Variants in KIAA1217 observed in about 807,000 individuals in gnomAD.
KIAA1217 encodes sickle tail protein homolog.
Under a neutral mutation model 163.9 loss-of-function variants are expected in KIAA1217, and 88 were observed. The ratio of observed to expected loss-of-function variants is 0.54; its 90% CI spans 0.45 to 0.64. The LOEUF is 0.64. KIAA1217 is among the 30% of genes least tolerant of loss of function. The pLI is 0.00. For synonymous variants in KIAA1217, 903 were observed against 923.1 expected, an observed-to-expected ratio of 0.98 and a Z score of 0.39; for missense variants, 2,372 against 2,475.0, an observed-to-expected ratio of 0.96 and a Z score of 0.88.
intron 2 of KIAA1217, among the ~76,000 whole-genome samples, chr10:24,334,428 G>A (rs1310717520): frequency 2.3e-5 from 3 of 133,224 alleles, no homozygotes; most frequent in African/African-American, 8.3e-5. Context: ...GTGGAGGAGG[G>A]AGGGAAGGAT....
chr10:24,238,657 G>A (rs1174043106), intron 2 of KIAA1217, among the ~76,000 whole-genome samples: 1 of 152,126 alleles, frequency 6.6e-6, no homozygotes, highest in African/African-American at 2.4e-5. Flanking sequence ...TGTTTTGCAA[G>A]TTTTGCTGGT....
intron 2 of KIAA1217, among the ~76,000 whole-genome samples, chr10:24,364,997 G>A (rs1439972726): frequency 6.6e-6 from 1 of 151,892 alleles, no homozygotes; most frequent in Non-Finnish European, 1.5e-5. Context: ...GGTAATGGGA[G>A]TCTCCCTATG....
chr10:24,466,813 G>A (rs1017453752), intron 5 of KIAA1217: 3 of 983,652 alleles, frequency 3.0e-6, no homozygotes, highest in Admixed American at 6.1e-5. Context: ...AATTCTTTGA[G>A]GGTGAAAGAG....
chr10:24,521,888 G>A lies in KIAA1217; in HGVS notation c.2415G>A (p.Lys805=). 6.2e-7 allele frequency: 1 copy of A among 1,613,566 alleles called. No homozygotes were observed. The highest frequency in any genetic ancestry group is 8.5e-7 in the Non-Finnish European group (1 of 1,180,020). The change falls in exon 12 of 21, where the codon AAG becomes AAA. Residue 805 remains lysine, a synonymous_variant. Coordinates refer to ENST00000376454, the MANE Select transcript of KIAA1217 (RefSeq NM_019590.5). The stretch of plus-strand genomic sequence containing the variant: ...CACACAAGCTGGACAGTCTCCTGAA[G>A]CGTGTGCGCAGCATGACAGACGTCC... ...EEPHKLDSLL[K]RVRSMTDVLT... is the part of the protein sequence containing the mutation.
chr10:24,380,653 TAC>T (rs2053179939), intron 2 of KIAA1217, among the ~76,000 whole-genome samples: 1 of 143,342 alleles, frequency 7.0e-6, no homozygotes, highest in Non-Finnish European at 1.5e-5. Context: ...AATAAATAAA[TAC>T]AATGGAACAC....
chr10:23,952,659 C>T (rs570998372), intron 1 of KIAA1217, among the ~76,000 whole-genome samples: 3 of 152,206 alleles, frequency 2.0e-5, no homozygotes, highest in Non-Finnish European at 1.5e-5. Context: ...TCGTGAGCCT[C>T]AGCGTCCTAA....
chr10:24,135,396 G>A (rs961253845), intron 2 of KIAA1217, among the ~76,000 whole-genome samples: 2 of 152,026 alleles, frequency 1.3e-5, no homozygotes, highest in African/African-American at 4.8e-5. Context: ...CCCACCCTCT[G>A]CCAGTTCCGT....
At chr10:24,314,618 G>A (rs1198914827) in intron 2 of KIAA1217, among the ~76,000 whole-genome samples, 3 of 152,310 alleles carry the variant, frequency 2.0e-5, no homozygotes, top group East Asian at 3.9e-4. Flanking sequence ...AGGTTCAGAT[G>A]TGAAATCTAA....
chr10:24,320,234 A>G (rs1334623944), intron 2 of KIAA1217, among the ~76,000 whole-genome samples: 1 of 152,262 alleles, frequency 6.6e-6, no homozygotes, highest in East Asian at 1.9e-4. Flanking sequence ...CAAATTTCTA[A>G]TTACACTTCA....
At chr10:24,498,921 G>A (rs2067160039) in intron 8 of KIAA1217, among the ~76,000 whole-genome samples, 1 of 152,204 alleles carries the variant, frequency 6.6e-6, no homozygotes, top group African/African-American at 2.4e-5. Context: ...ATAAAAGATC[G>A]AGGGGAGGGA....
intron 1 of KIAA1217, among the ~76,000 whole-genome samples, chr10:23,957,161 C>T (rs1003465899): frequency 6.6e-6 from 1 of 152,126 alleles, no homozygotes; most frequent in Non-Finnish European, 1.5e-5. Flanking sequence ...CTAAGCAGAA[C>T]AACGGAATCC....
chr10:24,140,309 G>A (rs1031261677), intron 2 of KIAA1217, among the ~76,000 whole-genome samples: 20 of 147,172 alleles, frequency 1.4e-4, no homozygotes, highest in Non-Finnish European at 2.7e-4. Context: ...GCAGTGAGCC[G>A]AAATCGTGCC....
rs150874554 is a variant in KIAA1217 at position 24,239,673 on chromosome 10, A to ATG, written c.354+19786_354+19787dup. Among the ~76,000 whole-genome samples, 482 of 147,626 alleles carry ATG rather than the reference A, an allele frequency of 3.3e-3. 3 individuals carry two copies. Among genetic ancestry groups the ATG allele is most frequent in the African/African-American group, 6.9e-3 (275 of 39,994 alleles). On this transcript the variant is annotated intron_variant, in intron 2 of 20. Transcript: ENST00000376454. ...CCATGTATTTCTTATTTATTCCCAG[A>ATG]TGTGTGTGTGTGTGTGTGTGTGTTT...
At chr10:23,943,506 G>A (rs1022381503) in intron 1 of KIAA1217, among the ~76,000 whole-genome samples, 4 of 152,180 alleles carry the variant, frequency 2.6e-5, no homozygotes, top group African/African-American at 9.7e-5. Flanking sequence ...CCATGCCCCT[G>A]GATTAGAAAG....
In KIAA1217 at chr10:24,177,283, ATATATATATATATATT is replaced by A. The variant is rs1239015228; in HGVS notation, c.-170-42342_-170-42327del. 7.1e-3 allele frequency among the ~76,000 whole-genome samples: 798 copies of A among 112,372 alleles called. 30 individuals are homozygous for A. Among genetic ancestry groups the A allele is most frequent in the Non-Finnish European group, 0.011 (572 of 53,514 alleles). The allele number at this position is 112,372 out of a possible 152,430, so 73.7% of individuals were successfully genotyped here. A position where few individuals can be genotyped will look rare whatever the true frequency, so the allele number is the denominator to read the frequency against. ...CATATATATATATATATATATATAT[ATATATATATATATATT>A]ACAATTTCTTTGTCATATATATCAC... On this transcript the variant is annotated intron_variant, in intron 2 of 18. Coordinates refer to the KIAA1217 transcript ENST00000376462.
chr10:23,752,854 AG>A (rs1045282419), intron 1 of KIAA1217, among the ~76,000 whole-genome samples: 3 of 152,332 alleles, frequency 2.0e-5, no homozygotes, highest in Admixed American at 1.3e-4. Context: ...CAACTTCCAC[AG>A]GGCAGCCCTG....
At position 24,473,622 on chromosome 10, in the gene KIAA1217, C is replaced by T. The variant is rs1345407888; in HGVS notation, c.1241C>T (p.Pro414Leu). The part of the protein sequence containing the change: ...MSIASSHGGH[P>L]LDVPDHIIAY... ...ATAGCCTCATCCCATGGTGGACACC[C>T]ACTGGATGTCCCCGACCACATCATT... is the stretch of plus-strand genomic sequence containing the variant. The change falls in exon 6 of 21, where the codon CCA (proline) becomes CTA (leucine). Residue 414 changes from proline to leucine, a missense_variant. By Grantham distance (98) the Pro-to-Leu change is moderately conservative (BLOSUM62 -3). This residue lies in a region of KIAA1217 where 1,431 missense variants were observed against 1,470.3 expected (regional missense o/e 0.97). Coordinates refer to ENST00000376454, the MANE Select transcript of KIAA1217 (RefSeq NM_019590.5). The T allele has an allele frequency of 6.2e-7, 1 of 1,614,168 alleles. No homozygotes were observed. The highest frequency in any genetic ancestry group is 8.5e-7 in the Non-Finnish European group (1 of 1,180,042).
intron 9 of KIAA1217, among the ~76,000 whole-genome samples, chr10:24,505,335 T>C (rs2068194824): frequency 6.6e-6 from 1 of 151,348 alleles, no homozygotes; most frequent in African/African-American, 2.4e-5. Flanking sequence ...AACGGTTGGG[T>C]CTGTAATTAG....
intron 2 of KIAA1217, among the ~76,000 whole-genome samples, chr10:24,173,177 A>G (rs1046321865): frequency 2.0e-5 from 3 of 152,132 alleles, no homozygotes; most frequent in African/African-American, 7.2e-5. Context: ...TGTGAACCTG[A>G]TTGTGAACAG....
Sources: allele counts gnomAD v4.1 joint callset (sites outside exome capture counted in the v4.1 genomes callset), GRCh38; gene constraint gnomAD v4.1.1; regional missense constraint gnomAD v4.1.1; transcripts MANE v1.5; gene names NCBI Gene and HGNC (gene_info 2026-07-23, HGNC 2026-07-21).